The following MYO18B variants were observed in gnomAD, a reference collection of about 807,000 sequenced individuals.
MYO18B encodes myosin XVIIIB.
In MYO18B, 204 loss-of-function variants were observed where a neutral mutation model predicts 273.0. That is an observed-to-expected ratio of 0.75 (90% CI 0.67 to 0.84). The LOEUF (loss-of-function observed/expected upper bound fraction) is 0.84. Among genes scored for constraint, MYO18B ranks in the 40% least tolerant of loss-of-function variants. MYO18B has a pLI of 0.00. For synonymous variants in MYO18B, 1,330 were observed against 1,305.7 expected, an observed-to-expected ratio of 1.02 and a Z score of -0.40; for missense variants, 3,212 against 3,287.6, an observed-to-expected ratio of 0.98 and a Z score of 0.56.
Position 25,950,432 on chromosome 22 carries a change from G to T in MYO18B, c.5814G>T (p.Lys1938Asn), listed in dbSNP as rs758080844. The T allele has an allele frequency of 3.1e-6, 5 of 1,605,898 alleles. No individual in the cohort carries two copies. Among genetic ancestry groups the T allele is most frequent in the African/African-American group, 2.7e-5 (2 of 74,456 alleles). ...AGCTGGAGGAAGCCAAGAAGGAGAA[G>T]CACAAGCTACAAGAACAAGTATGTG... ...QLQLEEAKKE[K>N]HKLQEQLQVA... Residue 1938 changes from lysine (K) to asparagine (N), a missense_variant, in exon 37 of 44, where the codon AAG becomes AAT. Physicochemically the swap from Lys to Asn is moderately conservative, Grantham distance 94. Coordinates refer to ENST00000335473, the MANE Select transcript of MYO18B (RefSeq NM_032608.7).
chr22:25,854,012 T>C (rs1379336958), intron 21 of MYO18B, among the ~76,000 whole-genome samples: 17 of 152,214 alleles, frequency 1.1e-4, no homozygotes, highest in Non-Finnish European at 1.5e-5. Flanking sequence ...TCAGTTTCTG[T>C]GTGCAAAGCA....
At chr22:25,988,984 T>C (rs2093231615) in intron 39 of MYO18B, among the ~76,000 whole-genome samples, 1 of 152,176 alleles carries the variant, frequency 6.6e-6, no homozygotes. Context: ...AGACTCCTAT[T>C]TCTTCTGCCC....
chr22:26,061,642 T>A, the MYO18B span, among the ~76,000 whole-genome samples: 2 of 151,272 alleles, frequency 1.3e-5, no homozygotes, highest in African/African-American at 2.4e-5. Context: ...AGAAACGTCA[T>A]CTACCACCAA....
At chr22:25,853,234 A>ATGTGCCTGCG (rs777244515) in intron 21 of MYO18B, among the ~76,000 whole-genome samples, 2 of 152,060 alleles carry the variant, frequency 1.3e-5, no homozygotes, top group Non-Finnish European at 2.9e-5. Context: ...TTGCAACTGC[A>ATGTGCCTGCG]TGTGCCTGCG....
intron 21 of MYO18B, among the ~76,000 whole-genome samples, chr22:25,859,449 CT>C (rs1650050801): frequency 6.6e-6 from 1 of 152,100 alleles, no homozygotes; most frequent in Non-Finnish European, 1.5e-5. Context: ...TTTAAAGAAA[CT>C]GTCAAGTTAT....
chr22:25,980,156 G>A (rs962406203), intron 39 of MYO18B, among the ~76,000 whole-genome samples: 2 of 152,132 alleles, frequency 1.3e-5, no homozygotes, highest in African/African-American at 2.4e-5. Context: ...CCAAGACTCC[G>A]TTTTGGCCCC....
chr22:25,932,638 G>A (rs911219999), intron 34 of MYO18B, among the ~76,000 whole-genome samples: 1 of 151,918 alleles, frequency 6.6e-6, no homozygotes, highest in Admixed American at 6.6e-5. Context: ...TCAAACTCCC[G>A]ACCTCAGGTG....
rs142167146 is a variant in MYO18B at position 25,838,043 on chromosome 22, G to A, written c.3208+2600G>A. Among the ~76,000 whole-genome samples, 263 of 152,006 alleles carry A rather than the reference G, an allele frequency of 1.7e-3. 1 individual carries two copies. The highest frequency in any genetic ancestry group is 6.0e-3 in the African/African-American group (249 of 41,434). Reference sequence around the variant, plus strand: ...GCTCTCCCTCCTCACCCTACGATGTGCCCAGTGTGTGTTGTTCTCTCCCAG... The same window carrying A: ...GCTCTCCCTCCTCACCCTACGATGTACCCAGTGTGTGTTGTTCTCTCCCAG... On this transcript the variant is annotated intron_variant, in intron 17 of 43. Coordinates refer to ENST00000335473, the MANE Select transcript of MYO18B (RefSeq NM_032608.7).
intron 17 of MYO18B, among the ~76,000 whole-genome samples, chr22:25,839,124 G>C (rs1180592911): frequency 4.7e-5 from 7 of 149,288 alleles, no homozygotes; most frequent in Non-Finnish European, 1.1e-4. Context: ...ATATGTATGA[G>C]TGTTTGTGTA....
intron 20 of MYO18B, 89 bp from the exon 21 acceptor site, chr22:25,851,381 C>A: frequency 2.4e-6 from 2 of 845,080 alleles, no homozygotes; most frequent in Non-Finnish European, 3.9e-6. Flanking sequence ...AAGCAGGACC[C>A]TGCACTCCTG....
downstream of MYO18B, chr22:26,031,068 A>AT (rs1936652052): frequency 2.5e-6 from 1 of 396,922 alleles, no homozygotes; most frequent in Admixed American, 4.4e-5. Flanking sequence ...ACTGATATAT[A>AT]TGCATCCTAC....
At chr22:25,850,833 C>G (rs2090404959) in intron 20 of MYO18B, among the ~76,000 whole-genome samples, 1 of 152,200 alleles carries the variant, frequency 6.6e-6, no homozygotes. Context: ...TCTGCCTAGA[C>G]TTCTCTTCCA....
intron 40 of MYO18B, among the ~76,000 whole-genome samples, chr22:25,996,605 C>T (rs897553449): frequency 1.3e-5 from 2 of 151,864 alleles, no homozygotes; most frequent in Non-Finnish European, 2.9e-5. Context: ...AAATAGAGTG[C>T]ACAGATTGAT....
At chr22:25,816,424 C>T (rs1329187954) in intron 12 of MYO18B, among the ~76,000 whole-genome samples, 1 of 152,106 alleles carries the variant, frequency 6.6e-6, no homozygotes, top group Non-Finnish European at 1.5e-5. Flanking sequence ...TATACATGTT[C>T]CACATTGGTT....
chr22:25,941,477 A>AGGCGAGTCTGGCCAGTGT (rs2092643472), intron 34 of MYO18B, among the ~76,000 whole-genome samples: 1 of 152,172 alleles, frequency 6.6e-6, no homozygotes, highest in Non-Finnish European at 1.5e-5. Flanking sequence ...GCATTTTCAA[A>AGGCGAGTCTGGCCAGTGT]GGCGAGTCTG....
chr22:25,961,587 A>G, intron 39 of MYO18B, among the ~76,000 whole-genome samples: 1 of 152,178 alleles, frequency 6.6e-6, no homozygotes, highest in East Asian at 1.9e-4. Context: ...TACAGCGATG[A>G]AGCAACTCCT....
rs141769818 is a variant in MYO18B, at chr22:25,950,592, A to G, written c.5832+142A>G. 1,098 of 590,082 alleles carry G rather than the reference A, an allele frequency of 1.9e-3. 9 individuals carry two copies. Among genetic ancestry groups the G allele is most frequent in the African/African-American group, 0.018 (929 of 50,560 alleles). The allele number at this position is 590,082 out of a possible 1,614,324, so 36.6% of individuals were successfully genotyped here. ...GTTTATTTGTTTATTTATTTTTGAG[A>G]CAAGAGTCTCACTCTGTCACCCAGA... On this transcript the variant is annotated intron_variant, in intron 37 of 43. Transcript: ENST00000335473.
chr22:26,032,406 C>T (rs894280838), downstream of MYO18B, among the ~76,000 whole-genome samples: 1 of 151,756 alleles, frequency 6.6e-6, no homozygotes, highest in African/African-American at 2.4e-5. Context: ...CATGGTCTTT[C>T]TTCTGTGTGG....
At chr22:25,832,051 A>T (rs2089726307) in intron 15 of MYO18B, among the ~76,000 whole-genome samples, 1 of 152,214 alleles carries the variant, frequency 6.6e-6, no homozygotes, top group South Asian at 2.1e-4. Context: ...AACCACATTG[A>T]GACACCACCT....
Sources: gnomAD v4.1 joint callset for allele counts (sites outside exome capture counted in the v4.1 genomes callset) on GRCh38, gnomAD v4.1.1 for gene constraint, MANE v1.5 for transcripts, NCBI Gene and HGNC (gene_info 2026-07-23, HGNC 2026-07-21) for gene names.